NKAIN3: variants seen among roughly 807,000 people sequenced by gnomAD.
The protein encoded by NKAIN3 is sodium/potassium transporting ATPase interacting 3.
A neutral mutation model predicts 30.2 loss-of-function variants in NKAIN3; 25 were observed. The ratio of observed to expected loss-of-function variants is 0.83; its 90% CI spans 0.60 to 1.16. The LOEUF is 1.16. NKAIN3 is among the 50% of genes most tolerant of loss of function. The pLI is 0.00. For synonymous variants in NKAIN3, 91 were observed against 89.6 expected (o/e 1.02, Z -0.09); for missense variants, 225 against 254.1 (o/e 0.89, Z 0.78).
In NKAIN3 at chr8:62,668,768, A is replaced by T. The variant is rs58265703; in HGVS notation, c.274-78164A>T. 7.2e-5 allele frequency among the ~76,000 whole-genome samples: 11 copies of T among 152,284 alleles called. No individual in the cohort carries two copies. In the East Asian group the frequency reaches 1.9e-3, roughly 27 times the overall value. ...TAATTATATATGTATTCCTTAATTT[A>T]AAAAATATTTTTAAAATTTTAATCA... On this transcript the variant is annotated intron_variant, in intron 3 of 6. Coordinates refer to ENST00000623646, the MANE Select transcript of NKAIN3 (RefSeq NM_001304533.3).
chr8:62,391,006 G>A (rs1817569860), intron 1 of NKAIN3, among the ~76,000 whole-genome samples: 1 of 152,096 alleles, frequency 6.6e-6, no homozygotes, highest in Non-Finnish European at 1.5e-5. Flanking sequence ...TGTTTACTCT[G>A]TTGATAGTTC....
chr8:62,825,423 T>C (rs753412561), intron 4 of NKAIN3, among the ~76,000 whole-genome samples: 1 of 152,194 alleles, frequency 6.6e-6, no homozygotes, highest in Non-Finnish European at 1.5e-5. Context: ...GTTTTTGTTC[T>C]CTCTAATCTT....
intron 1 of NKAIN3, among the ~76,000 whole-genome samples, chr8:62,370,314 G>C (rs1320349121): frequency 1.3e-5 from 2 of 151,960 alleles, no homozygotes; most frequent in Non-Finnish European, 2.9e-5. Context: ...AGTAGTTCAA[G>C]GATGCTTGGA....
At chr8:62,516,642 C>T (rs113576360) in intron 1 of NKAIN3, among the ~76,000 whole-genome samples, 576 of 152,166 alleles carry the variant, frequency 3.8e-3, no homozygotes, top group African/African-American at 0.012. Flanking sequence ...ACTTATCTCT[C>T]ATTTTACTTA....
intron 4 of NKAIN3, among the ~76,000 whole-genome samples, chr8:62,784,731 A>T (rs1488573742): frequency 6.6e-6 from 1 of 152,144 alleles, no homozygotes; most frequent in East Asian, 1.9e-4. Flanking sequence ...CAGAAAATAG[A>T]GCATGAAGGA....
At chr8:62,724,885 G>A (rs1815207788) in intron 3 of NKAIN3, among the ~76,000 whole-genome samples, 1 of 151,764 alleles carries the variant, frequency 6.6e-6, no homozygotes, top group Non-Finnish European at 1.5e-5. Context: ...TTTCTTTCGG[G>A]TTTACACCCA....
At chr8:62,463,814 C>T (rs1054890692) in intron 1 of NKAIN3, among the ~76,000 whole-genome samples, 41 of 152,022 alleles carry the variant, frequency 2.7e-4, no homozygotes, top group Non-Finnish European at 1.8e-4. Flanking sequence ...AAAAGATTAA[C>T]AATAAATAAA....
At chr8:62,788,513 T>G (rs1249278888) in intron 4 of NKAIN3, among the ~76,000 whole-genome samples, 1 of 152,246 alleles carries the variant, frequency 6.6e-6, no homozygotes, top group Non-Finnish European at 1.5e-5. Flanking sequence ...TGGTTTCTTT[T>G]GCTGTGCAGA....
intron 4 of NKAIN3, among the ~76,000 whole-genome samples, chr8:62,851,006 G>A (rs924903603): frequency 6.6e-6 from 1 of 152,028 alleles, no homozygotes; most frequent in Non-Finnish European, 1.5e-5. Flanking sequence ...GTCATTGGTA[G>A]CTTGATGGGG....
intron 1 of NKAIN3, among the ~76,000 whole-genome samples, chr8:62,451,630 A>G (rs1805646653): frequency 6.6e-6 from 1 of 152,194 alleles, no homozygotes. Context: ...AAATGTTTCA[A>G]ATATTTAAAA....
intron 4 of NKAIN3, among the ~76,000 whole-genome samples, chr8:62,795,312 T>C (rs1817826610): frequency 1.3e-5 from 2 of 152,206 alleles, no homozygotes; most frequent in South Asian, 2.1e-4. Context: ...TTGAAATAAA[T>C]GCTAAAATTG....
At chr8:62,519,717 T>TA (rs1808096403) in intron 1 of NKAIN3, among the ~76,000 whole-genome samples, 1 of 152,174 alleles carries the variant, frequency 6.6e-6, no homozygotes, top group Admixed American at 6.6e-5. Flanking sequence ...AGTTAACATA[T>TA]AAAAACATCA....
intron 1 of NKAIN3, among the ~76,000 whole-genome samples, chr8:62,292,213 T>C (rs907918540): frequency 4.6e-5 from 7 of 152,230 alleles, no homozygotes; most frequent in African/African-American, 1.4e-4. Context: ...TGTCTTTTAA[T>C]TGGAGCATTA....
At chr8:62,729,027 A>ACC (rs780078015) in intron 3 of NKAIN3, among the ~76,000 whole-genome samples, 11,038 of 54,118 alleles carry the variant, frequency 0.2, 2,245 homozygotes, top group Non-Finnish European at 0.29. Flanking sequence ...AACAAACCAA[A>ACC]AAAAAAAAAA....
chr8:62,381,218 T>A (rs1387079907), intron 1 of NKAIN3, among the ~76,000 whole-genome samples: 2 of 152,178 alleles, frequency 1.3e-5, no homozygotes, highest in Non-Finnish European at 2.9e-5. Flanking sequence ...TTGTCATTGA[T>A]AAGTTCTCCT....
rs558479527 is a variant in NKAIN3, at chr8:62,688,091, C to T, written c.274-58841C>T. Reference sequence around the variant, plus strand: ...TTCCTATCTTCTCTGTTATATGTTCCTGACAGATGGTCAAACAGATTCCAT... The same window carrying T: ...TTCCTATCTTCTCTGTTATATGTTCTTGACAGATGGTCAAACAGATTCCAT... On this transcript the variant is annotated intron_variant, in intron 3 of 6. Transcript: ENST00000623646. Among the ~76,000 whole-genome samples, 3 of 152,302 alleles carry T rather than the reference C, an allele frequency of 2.0e-5. No individual in the cohort carries two copies. The East Asian group carries it at 5.8e-4, about 29-fold the overall frequency.
intron 1 of NKAIN3, among the ~76,000 whole-genome samples, chr8:62,463,252 T>C (rs1806051495): frequency 6.6e-6 from 1 of 152,198 alleles, no homozygotes; most frequent in Non-Finnish European, 1.5e-5. Flanking sequence ...TTTAAGAGAC[T>C]ATAGTAAATT....
chr8:62,334,366 C>T (rs1815460565), intron 1 of NKAIN3, among the ~76,000 whole-genome samples: 1 of 152,088 alleles, frequency 6.6e-6, no homozygotes, highest in African/African-American at 2.4e-5. Context: ...CTTGTAGATG[C>T]ATCACTCCAA....
chr8:62,288,406 G>A (rs1272928790), intron 1 of NKAIN3, among the ~76,000 whole-genome samples: 6 of 151,974 alleles, frequency 3.9e-5, no homozygotes, highest in South Asian at 2.1e-4. Flanking sequence ...CCTACCTGAC[G>A]ACAGGCCCTG....
Sources: allele counts gnomAD v4.1 joint callset (sites outside exome capture counted in the v4.1 genomes callset), GRCh38; gene constraint gnomAD v4.1.1; transcripts MANE v1.5; gene names NCBI Gene and HGNC (gene_info 2026-07-23, HGNC 2026-07-21).